Variants in COL22A1 observed in about 807,000 individuals in gnomAD.
The protein encoded by COL22A1 is collagen alpha-1(XXII) chain.
Under a neutral mutation model 248.9 loss-of-function variants are expected in COL22A1, and 221 were observed. The observed-to-expected ratio is 0.89, with a 90% CI of 0.80 to 0.99. COL22A1 has a LOEUF of 0.99. COL22A1 is among the 50% of genes least tolerant of loss of function. The pLI is 0.00. For synonymous variants in COL22A1, 891 were observed against 793.4 expected (o/e 1.12, Z -2.07); for missense variants, 2,240 against 2,179.0 (o/e 1.03, Z -0.56).
intron 12 of COL22A1, among the ~76,000 whole-genome samples, chr8:138,782,113 G>T (rs1033705617): frequency 6.6e-6 from 1 of 152,180 alleles, no homozygotes; most frequent in East Asian, 1.9e-4. Flanking sequence ...TCAACATTCT[G>T]TCTGACATAA....
At chr8:138,807,933 A>G (rs1026779031) in intron 9 of COL22A1, 121 bp from the exon 10 acceptor site, 3 of 938,460 alleles carry the variant, frequency 3.2e-6, no homozygotes, top group Non-Finnish European at 4.9e-6. Context: ...CCCAGCGCCG[A>G]CCAATGAGTT....
chr8:138,589,593 A>C (rs1217014738), intron 64 of COL22A1, among the ~76,000 whole-genome samples, 153 bp from the exon 65 acceptor site: 1 of 152,208 alleles, frequency 6.6e-6, no homozygotes, highest in Non-Finnish European at 1.5e-5. Flanking sequence ...GAGCAACTAG[A>C]GTGGTCCACA....
At chr8:138,642,753 G>A (rs865999813) in intron 47 of COL22A1, among the ~76,000 whole-genome samples, 7 of 152,260 alleles carry the variant, frequency 4.6e-5, no homozygotes, top group South Asian at 2.1e-4. Context: ...AATTCTAGCC[G>A]GGTGCGGTGG....
intron 61 of COL22A1, among the ~76,000 whole-genome samples, chr8:138,597,231 G>A (rs79559376): frequency 0.018 from 2,705 of 152,208 alleles, 74 homozygotes; most frequent in African/African-American, 0.061. Flanking sequence ...CCCTTCCAGC[G>A]TATTCACTGG....
intron 3 of COL22A1, among the ~76,000 whole-genome samples, chr8:138,856,578 G>C (rs1052765050): frequency 2.0e-5 from 3 of 149,720 alleles, no homozygotes; most frequent in African/African-American, 7.6e-5. Context: ...GACAGAGAGA[G>C]AGACAGAGGC....
chr8:138,593,555 G>A (rs189401489), intron 63 of COL22A1, among the ~76,000 whole-genome samples: 3 of 152,068 alleles, frequency 2.0e-5, no homozygotes, highest in Admixed American at 6.5e-5. Context: ...TATGGCCTCC[G>A]CCCTTTGAAG....
In COL22A1 at chr8:138,672,565, G is replaced by A. The variant is rs549761218; in HGVS notation, c.3150+3993C>T. Among the ~76,000 whole-genome samples the A allele has an allele frequency of 3.3e-5, 5 of 152,258 alleles. No homozygotes were observed. The South Asian group carries it at 1.0e-3, about 32-fold the overall frequency. On this transcript the variant is annotated intron_variant, in intron 41 of 64. Transcript: ENST00000303045. ...GGAATTCTGTCCCTTTTGTATGTGCGTCCTCAATGCCTGGACCAACTGATG... is the reference window on the plus strand; with the variant it reads ...GGAATTCTGTCCCTTTTGTATGTGCATCCTCAATGCCTGGACCAACTGATG...
chr8:138,602,344 T>A (rs1297878862), intron 59 of COL22A1, among the ~76,000 whole-genome samples, 185 bp from the exon 60 acceptor site: 1 of 152,112 alleles, frequency 6.6e-6, no homozygotes, highest in Non-Finnish European at 1.5e-5. Flanking sequence ...CTGTGCCTTC[T>A]CTCCTTTCCT....
intron 18 of COL22A1, among the ~76,000 whole-genome samples, chr8:138,756,049 AG>A (rs886944702): frequency 1.3e-5 from 2 of 152,124 alleles, no homozygotes; most frequent in African/African-American, 4.8e-5. Context: ...TCTTGCTGGC[AG>A]GAGTCTTATT....
intron 7 of COL22A1, among the ~76,000 whole-genome samples, chr8:138,815,429 G>C (rs1818601884): frequency 6.6e-6 from 1 of 152,070 alleles, no homozygotes; most frequent in Admixed American, 6.5e-5. Flanking sequence ...CTCTCCCCAG[G>C]CCCTGCAGGA....
chr8:138,677,223 A>C (rs775173478), intron 40 of COL22A1, among the ~76,000 whole-genome samples: 2 of 152,242 alleles, frequency 1.3e-5, no homozygotes, highest in Non-Finnish European at 2.9e-5. Flanking sequence ...ATTAACTGTT[A>C]ACTTAGGAAA....
intron 47 of COL22A1, among the ~76,000 whole-genome samples, chr8:138,641,078 C>T (rs138527543): frequency 3.1e-3 from 472 of 152,330 alleles, no homozygotes; most frequent in African/African-American, 0.01. Context: ...CTATATACCT[C>T]CTGACTTGAA....
At chr8:138,712,800 T>C (rs1485967178) in intron 30 of COL22A1, among the ~76,000 whole-genome samples, 3 of 151,192 alleles carry the variant, frequency 2.0e-5, no homozygotes, top group Admixed American at 6.6e-5. Flanking sequence ...AGAGGGTATG[T>C]ATTCTATCAG....
chr8:138,643,609 TATAG>T lies in COL22A1; in HGVS notation c.3501+3016_3501+3019del, dbSNP rs57015617. Reference sequence around the variant, plus strand: ...CAAAAGAAATAATATCCCTATGCAATATAGATAGATAGATAGATAGATAGATAGA... The same window carrying T: ...CAAAAGAAATAATATCCCTATGCAATATAGATAGATAGATAGATAGATAGA... On this transcript the variant is annotated intron_variant, in intron 47 of 64. Transcript: ENST00000303045. 2.8e-3 allele frequency among the ~76,000 whole-genome samples: 412 copies of T among 146,638 alleles called. 1 individual carries two copies. Among genetic ancestry groups the T allele is most frequent in the African/African-American group, 9.7e-3 (378 of 39,016 alleles).
intron 41 of COL22A1, among the ~76,000 whole-genome samples, chr8:138,665,049 T>C (rs945581131): frequency 2.0e-5 from 3 of 152,130 alleles, no homozygotes; most frequent in Admixed American, 1.3e-4. Context: ...TCCTGCAGTA[T>C]AGTGTCAGGG....
intron 22 of COL22A1, among the ~76,000 whole-genome samples, chr8:138,740,293 C>T (rs7835533): frequency 0.13 from 19,390 of 152,100 alleles, 1,382 homozygotes; most frequent in Non-Finnish European, 0.17. Context: ...AAGGAGAGAT[C>T]GGAATATCTA....
rs1462550753 is a variant in COL22A1 at position 138,616,962 on chromosome 8, G to T, written c.3826-4C>A. 1 of 1,614,194 alleles carries T rather than the reference G, an allele frequency of 6.2e-7. No individual in the cohort carries two copies. The highest frequency in any genetic ancestry group is 1.7e-5 in the Admixed American group (1 of 60,030). Reference sequence around the variant, plus strand: ...CGCCTGTGTGTCCCTTGAAGCCCTAGAAGGAAGAGAATGGAGTTATTCCAT... The same window carrying T: ...CGCCTGTGTGTCCCTTGAAGCCCTATAAGGAAGAGAATGGAGTTATTCCAT... On this transcript the variant is annotated splice_region_variant and splice_polypyrimidine_tract_variant and intron_variant, in intron 53 of 64. Transcript: ENST00000303045.
intron 1 of COL22A1, among the ~76,000 whole-genome samples, chr8:138,888,494 C>T (rs926946292): frequency 2.0e-5 from 3 of 152,226 alleles, no homozygotes; most frequent in Admixed American, 6.5e-5. Context: ...CTTCCCTATG[C>T]ATGACAGGCA....
At position 138,823,758 on chromosome 8, in the gene COL22A1, G is replaced by A. The variant is rs548006614; in HGVS notation, c.970-2347C>T. Among the ~76,000 whole-genome samples, 19 of 152,234 alleles carry A rather than the reference G, an allele frequency of 1.2e-4. No individual in the cohort carries two copies. In the East Asian group the frequency reaches 1.7e-3, roughly 14 times the overall value. On this transcript the variant is annotated intron_variant, in intron 6 of 64. Transcript: ENST00000303045. ...ATCAGTATATGAAATTATCTTATGC[G>A]TATCTTTTGTTCACCTTTTTTGTCT...
Sources: allele counts gnomAD v4.1 joint callset (sites outside exome capture counted in the v4.1 genomes callset), GRCh38; gene constraint gnomAD v4.1.1; transcripts MANE v1.5; gene names NCBI Gene and HGNC (gene_info 2026-07-23, HGNC 2026-07-21).